ADAMTS10: variants seen among roughly 807,000 people sequenced by gnomAD.
ADAMTS10 encodes A disintegrin and metalloproteinase with thrombospondin motifs 10.
In ADAMTS10, 48 loss-of-function variants were observed where a neutral mutation model predicts 135.9. The ratio of observed to expected loss-of-function variants is 0.35; its 90% CI spans 0.28 to 0.45. ADAMTS10 has a LOEUF of 0.45. Among genes scored for constraint, ADAMTS10 ranks in the 20% least tolerant of loss-of-function variants. The probability of loss-of-function intolerance (pLI) is 1.00; values close to 1 mark genes in which losing one functional copy is unlikely to be tolerated. For synonymous variants in ADAMTS10, 621 were observed against 647.5 expected (o/e 0.96, Z 0.62); for missense variants, 1,131 against 1,565.2 (o/e 0.72, Z 4.68).
intron 22 of ADAMTS10, 60 bp from the exon 23 acceptor site, chr19:8,585,720 A>C (rs2042419079): frequency 6.6e-7 from 1 of 1,525,462 alleles, no homozygotes; most frequent in Non-Finnish European, 9.0e-7. Flanking sequence ...ACACAACAGC[A>C]GGGGGCACTA....
chr19:8,584,345 T>A (rs1166185778), intron 25 of ADAMTS10, among the ~76,000 whole-genome samples: 1 of 151,792 alleles, frequency 6.6e-6, no homozygotes, highest in Non-Finnish European at 1.5e-5. Flanking sequence ...TGGCACCCAG[T>A]GGGTAGAAGC....
chr19:8,596,196 A>G lies in ADAMTS10; in HGVS notation c.1214T>C (p.Val405Ala). Residue 405 changes from valine to alanine, a missense_variant, in exon 11 of 26, where the codon GTG (valine) becomes GCG (alanine). Physicochemically the swap from Val to Ala is moderately conservative, Grantham distance 64 (BLOSUM62 0). Transcript: ENST00000597188. This position sits in a 1 kb window ranked among gnomAD's most constrained non-coding sequence, Gnocchi z 7.2. The stretch of plus-strand genomic sequence containing the variant: ...ACCACGGGCCCCACAGCTGTTTCCC[A>G]CGCCGTCATGGTTCATGCCGAATCT... ...GHTFGMNHDG[V>A]GNSCGARGQD... 1.2e-6 allele frequency: 2 copies of G among 1,613,822 alleles called. No homozygotes were observed. Among genetic ancestry groups the G allele is most frequent in the East Asian group, 4.5e-5 (2 of 44,854 alleles).
intron 4 of ADAMTS10, 184 bp downstream of exon 4, chr19:8,604,828 C>G: frequency 1.5e-6 from 1 of 685,254 alleles, no homozygotes; most frequent in Non-Finnish European, 2.4e-6. Context: ...AATTTTCAGC[C>G]TTACCTAAGG....
chr19:8,595,702 T>TGCCCC, intron 12 of ADAMTS10, 60 bp downstream of exon 12: 220 of 894,108 alleles, frequency 2.5e-4, no homozygotes, highest in Non-Finnish European at 3.2e-4. Context: ...TGGAGTTCCC[T>TGCCCC]CCCCCAGCCC....
At chr19:8,610,059 CACAT>C (rs2042763992) in intron 1 of ADAMTS10, among the ~76,000 whole-genome samples, 1 of 151,924 alleles carries the variant, frequency 6.6e-6, no homozygotes, top group African/African-American at 2.4e-5. Context: ...CAGAAACACA[CACAT>C]ACATACACAG....
In ADAMTS10 at chr19:8,603,829, C is replaced by T. The variant is rs1041424187; in HGVS notation, c.491G>A (p.Gly164Glu). Residue 164 changes from glycine (G) to glutamate (E), a missense_variant, in exon 5 of 26, where the codon GGG becomes GAG. This residue lies in a region of ADAMTS10 where 306 missense variants were observed against 344.4 expected (regional missense o/e 0.89). Coordinates refer to ENST00000597188, the MANE Select transcript of ADAMTS10 (RefSeq NM_030957.4). ...EEYLIEPLHG[G>E]PKGSRSPEES... is the part of the protein sequence containing the mutation. ...CTCCGGGCTCCGAGAACCCTTGGGC[C>T]CACCGTGCAGGGGCTCAATCAGGTA... 2.5e-6 allele frequency: 4 copies of T among 1,614,040 alleles called. No individual in the cohort carries two copies. In the Admixed American group the frequency reaches 5.0e-5, roughly 20 times the overall value.
Position 8,586,668 on chromosome 19 carries a change from G to T in ADAMTS10, c.2293C>A (p.Gln765Lys). The T allele has an allele frequency of 1.9e-6, 3 of 1,613,016 alleles. No homozygotes were observed. The highest frequency in any genetic ancestry group is 2.2e-5 in the South Asian group (2 of 91,046). Reference sequence around the variant, plus strand: ...CCAGCTAGAGGCAGACGGTGGGGCTGGGGGGTCCCAGGCAGCCCCTCCAGC... The same window carrying T: ...CCAGCTAGAGGCAGACGGTGGGGCTTGGGGGTCCCAGGCAGCCCCTCCAGC... ...LLLEGLPGTP[Q>K]PHRLPLAGTT... The change falls in exon 20 of 26, where the codon CAG becomes AAG. Residue 765 changes from glutamine (Q) to lysine (K), a missense_variant. By Grantham distance (53) the Gln-to-Lys change is moderately conservative. This residue lies in a region of ADAMTS10 where 745 missense variants were observed against 1,056.3 expected (regional missense o/e 0.71). Transcript: ENST00000597188.
rs920123088 is a variant in ADAMTS10, at chr19:8,589,108, T to G, written c.2158+134A>C. ...CACCTGGCTGAGCCCGCAGGACTTTTGGGGACTCCTGACACTCCACGGGGC... is the reference window on the plus strand; with the variant it reads ...CACCTGGCTGAGCCCGCAGGACTTTGGGGGACTCCTGACACTCCACGGGGC... On this transcript the variant is annotated intron_variant, in intron 18 of 25. Coordinates refer to ENST00000597188, the MANE Select transcript of ADAMTS10 (RefSeq NM_030957.4). 4.9e-4 allele frequency: 716 copies of G among 1,460,500 alleles called. 4 individuals are homozygous for G. Among genetic ancestry groups the G allele is most frequent in the Middle Eastern group, 2.0e-3 (8 of 4,080 alleles). 90.5% of individuals were successfully genotyped at this position (1,460,500 alleles called of 1,614,324 possible). A position where few individuals can be genotyped will look rare whatever the true frequency, so the allele number is the denominator to read the frequency against.
Position 8,580,880 on chromosome 19 carries a change from TGCCGCGC to T in ADAMTS10, c.*6_*12del. On this transcript the variant is annotated 3_prime_UTR_variant, in exon 26 of 26. Transcript: ENST00000597188. ...AGACCCCGCCAGCTGTGGCTCCGGG[TGCCGCGC>T]GCCCCCTAGTGGCCATGGCAGGTTT... 2 of 1,586,466 alleles carry T rather than the reference TGCCGCGC, an allele frequency of 1.3e-6. No homozygotes were observed. The highest frequency in any genetic ancestry group is 1.7e-6 in the Non-Finnish European group (2 of 1,165,844).
At chr19:8,587,418 C>T (rs914153813) in intron 18 of ADAMTS10, among the ~76,000 whole-genome samples, 2 of 123,026 alleles carry the variant, frequency 1.6e-5, no homozygotes, top group Non-Finnish European at 3.1e-5. Flanking sequence ...CTCAAGTGAT[C>T]CTCTTGCCTC....
chr19:8,604,314 C>T lies in ADAMTS10; in HGVS notation c.436-430G>A, dbSNP rs369394818. ...CTGGCCTCAAGTGATCCTCCTGCCT[C>T]GGCCTCCCAAAGTGCTAAGATTAAA... On this transcript the variant is annotated intron_variant, in intron 4 of 25. Coordinates refer to ENST00000597188, the MANE Select transcript of ADAMTS10 (RefSeq NM_030957.4). 2.1e-4 allele frequency among the ~76,000 whole-genome samples: 32 copies of T among 151,414 alleles called. 1 individual carries two copies. Among genetic ancestry groups the T allele is most frequent in the Middle Eastern group, 3.4e-3 (1 of 292 alleles).
rs782653755 is a variant in ADAMTS10, at chr19:8,592,109, T to C, written c.1588-6A>G. The C allele has an allele frequency of 6.2e-7, 1 of 1,613,176 alleles. No homozygotes were observed. The highest frequency in any genetic ancestry group is 8.5e-7 in the Non-Finnish European group (1 of 1,179,922). On this transcript the variant is annotated splice_region_variant and splice_polypyrimidine_tract_variant and intron_variant, in intron 13 of 25. Transcript: ENST00000597188. Reference sequence around the variant, plus strand: ...CAGACCCGTTTGTAGCACCACTGGGTGGGGGGAGACAGGAAGGAGTGAGTC... The same window carrying C: ...CAGACCCGTTTGTAGCACCACTGGGCGGGGGGAGACAGGAAGGAGTGAGTC...
Position 8,601,071 on chromosome 19 carries a change from C to T in ADAMTS10, c.667G>A (p.Glu223Lys), listed in dbSNP as rs370894524. The T allele has an allele frequency of 7.4e-6, 12 of 1,614,152 alleles. No individual in the cohort carries two copies. The highest frequency in any genetic ancestry group is 2.2e-5 in the East Asian group (1 of 44,886). Residue 223 changes from glutamate to lysine, a missense_variant, in exon 6 of 26, where the codon GAA becomes AAA. Transcript: ENST00000597188. The surrounding 1 kb of genome is among the most constrained non-coding windows in gnomAD (Gnocchi z 4.6). ...AGGCCTGGCTGGCCACGCTCTGTTT[C>T]ATTCCCCAGGGGCCTGGCAGGCGGT... Reference protein sequence around the residue: ...KPPPARPLGNETERGQPGLKR... With the variant: ...KPPPARPLGNKTERGQPGLKR...
At position 8,596,320 on chromosome 19, in the gene ADAMTS10, C is replaced by T. The variant is rs1555740188; in HGVS notation, c.1177G>A (p.Glu393Lys). Residue 393 changes from glutamate to lysine, a missense_variant, in exon 10 of 26, where the codon GAG (glutamate) becomes AAG (lysine). Coordinates refer to ENST00000597188, the MANE Select transcript of ADAMTS10 (RefSeq NM_030957.4). This position sits in a 1 kb window ranked among gnomAD's most constrained non-coding sequence, Gnocchi z 7.2. ...CCCTGGCCTCACGTGTGCCCGATCTCGTGGGCAATGGTGAACGCTGTGGCC... is the reference window on the plus strand; with the variant it reads ...CCCTGGCCTCACGTGTGCCCGATCTTGTGGGCAATGGTGAACGCTGTGGCC... ...GLATAFTIAHEIGHTFGMNHD... is the reference protein window; with the variant it reads ...GLATAFTIAHKIGHTFGMNHD... 3 of 1,612,972 alleles carry T rather than the reference C, an allele frequency of 1.9e-6. No homozygotes were observed. Among genetic ancestry groups the T allele is most frequent in the Non-Finnish European group, 2.5e-6 (3 of 1,179,916 alleles).
Position 8,604,527 on chromosome 19 carries a change from G to A in ADAMTS10, c.435+485C>T, listed in dbSNP as rs1600120029. Reference sequence around the variant, plus strand: ...GTCAGGGTCTTGTTCTGTCACCCATGCTGGAGGGCAGTGTTGTGATCTCAG... The same window carrying A: ...GTCAGGGTCTTGTTCTGTCACCCATACTGGAGGGCAGTGTTGTGATCTCAG... On this transcript the variant is annotated intron_variant, in intron 4 of 25. Transcript: ENST00000597188. Among the ~76,000 whole-genome samples, 8 of 150,922 alleles carry A rather than the reference G, an allele frequency of 5.3e-5. 2 individuals carry two copies. Among genetic ancestry groups the A allele is most frequent in the Admixed American group, 5.3e-4 (8 of 15,132 alleles).
In ADAMTS10 at chr19:8,595,842, C is replaced by G. The variant is rs2042596718; in HGVS notation, c.1399G>C (p.Val467Leu). Residue 467 changes from valine to leucine, a missense_variant, in exon 12 of 26, where the codon GTG becomes CTG. Transcript: ENST00000597188. Reference protein sequence around the residue: ...PPRQDFVYPTVAPGQAYDADE... With the variant: ...PPRQDFVYPTLAPGQAYDADE... Reference sequence around the variant, plus strand: ...GCATCGTAGGCTTGGCCCGGTGCCACTGTCGGGTACACAAAGTCCTGTCTG... The same window carrying G: ...GCATCGTAGGCTTGGCCCGGTGCCAGTGTCGGGTACACAAAGTCCTGTCTG... 1 of 1,614,124 alleles carries G rather than the reference C, an allele frequency of 6.2e-7. No homozygotes were observed. The highest frequency in any genetic ancestry group is 8.5e-7 in the Non-Finnish European group (1 of 1,180,048).
At chr19:8,599,660 G>C (rs2042641997) in intron 6 of ADAMTS10, among the ~76,000 whole-genome samples, 1 of 151,916 alleles carries the variant, frequency 6.6e-6, no homozygotes, top group Non-Finnish European at 1.5e-5. Flanking sequence ...ATTTATGAAT[G>C]AATGAATGAC....
At chr19:8,597,975 G>A (rs3924927) in intron 6 of ADAMTS10, among the ~76,000 whole-genome samples, 65,852 of 151,538 alleles carry the variant, frequency 0.43, 15,659 homozygotes, top group East Asian at 0.81. Flanking sequence ...AGCCATGCCC[G>A]CCTAATTTTT....
intron 25 of ADAMTS10, among the ~76,000 whole-genome samples, chr19:8,584,439 G>A (rs2042395726): frequency 6.6e-6 from 1 of 151,920 alleles, no homozygotes; most frequent in Non-Finnish European, 1.5e-5. Flanking sequence ...TTGAGCCCAG[G>A]AGTTGGAGAC....
Sources: allele counts gnomAD v4.1 joint callset (sites outside exome capture counted in the v4.1 genomes callset), GRCh38; gene constraint gnomAD v4.1.1; regional missense constraint gnomAD v4.1.1; non-coding constraint Gnocchi (gnomAD v3.1); transcripts MANE v1.5; gene names NCBI Gene and HGNC (gene_info 2026-07-23, HGNC 2026-07-21).